Variants in KIAA0586 observed in about 807,000 individuals in gnomAD.
KIAA0586 encodes the protein KIAA0586.
A neutral mutation model predicts 169.8 loss-of-function variants in KIAA0586; 144 were observed. That is an observed-to-expected ratio of 0.85 (90% CI 0.74 to 0.97). The LOEUF (loss-of-function observed/expected upper bound fraction) is 0.97, where lower values mean the gene tolerates loss of function less well. Ranked by LOEUF, KIAA0586 falls within the 50% of genes least tolerant of loss-of-function variation. The probability of loss-of-function intolerance (pLI) is 0.00; values close to 1 mark genes in which losing one functional copy is unlikely to be tolerated. For synonymous variants in KIAA0586, 625 were observed against 612.4 expected (o/e 1.02, Z -0.30); for missense variants, 1,854 against 1,823.0 (o/e 1.02, Z -0.31).
chr14:58,499,945 A>G (rs572747662), intron 27 of KIAA0586, among the ~76,000 whole-genome samples: 2 of 152,370 alleles, frequency 1.3e-5, no homozygotes, highest in African/African-American at 2.4e-5. Context: ...GTTAAATTAG[A>G]TAATACTGTA....
downstream of KIAA0586, among the ~76,000 whole-genome samples, chr14:58,553,402 G>T (rs1233881700): frequency 6.6e-6 from 1 of 152,066 alleles, no homozygotes; most frequent in Admixed American, 6.5e-5. Flanking sequence ...TAGTGGAAAC[G>T]TATTTTGCTT....
At chr14:58,539,876 T>C (rs921076838) in intron 29 of KIAA0586, 195 bp from the exon 30 acceptor site, 8 of 471,092 alleles carry the variant, frequency 1.7e-5, no homozygotes, top group East Asian at 1.0e-4. Flanking sequence ...GTATTTCCTA[T>C]TGATAGTCAT....
At chr14:58,444,243 T>C (rs2038663847) in intron 6 of KIAA0586, 68 bp downstream of exon 6, 2 of 999,370 alleles carry the variant, frequency 2.0e-6, no homozygotes, top group Middle Eastern at 2.2e-4. Context: ...CCAGTATTCA[T>C]TGATAATTAC....
chr14:58,461,892 C>T (rs763982262), intron 14 of KIAA0586, among the ~76,000 whole-genome samples: 3 of 152,172 alleles, frequency 2.0e-5, no homozygotes, highest in Non-Finnish European at 4.4e-5. Context: ...GTCACATCTA[C>T]TGTTTCACTG....
intron 29 of KIAA0586, among the ~76,000 whole-genome samples, chr14:58,514,296 C>T (rs2044599697): frequency 6.6e-6 from 1 of 151,950 alleles, no homozygotes; most frequent in Non-Finnish European, 1.5e-5. Context: ...TTCTCTGGAG[C>T]TCTCAGGACT....
At chr14:58,484,917 TATATA>T (rs2042322765) in intron 21 of KIAA0586, among the ~76,000 whole-genome samples, 7 of 37,844 alleles carry the variant, frequency 1.8e-4, no homozygotes, top group African/African-American at 6.7e-4. Context: ...TATATATATA[TATATA>T]TATTTTTTTT....
At chr14:58,531,631 C>G (rs1278174044) in intron 29 of KIAA0586, among the ~76,000 whole-genome samples, 1 of 152,154 alleles carries the variant, frequency 6.6e-6, no homozygotes, top group Non-Finnish European at 1.5e-5. Flanking sequence ...GTGGTGATTC[C>G]TCAAGGATCT....
intron 6 of KIAA0586, among the ~76,000 whole-genome samples, chr14:58,445,355 G>A (rs2038784002): frequency 6.6e-6 from 1 of 151,774 alleles, no homozygotes; most frequent in African/African-American, 2.4e-5. Flanking sequence ...TAAGGCACTG[G>A]GCTATTATAA....
intron 21 of KIAA0586, among the ~76,000 whole-genome samples, chr14:58,484,295 C>T (rs963469706): frequency 6.6e-6 from 1 of 152,186 alleles, no homozygotes; most frequent in African/African-American, 2.4e-5. Flanking sequence ...TCAGAAGTGT[C>T]ATGGCTTTTC....
intron 26 of KIAA0586, among the ~76,000 whole-genome samples, chr14:58,494,390 C>G (rs1234828758): frequency 1.4e-5 from 2 of 145,738 alleles, no homozygotes; most frequent in Non-Finnish European, 1.5e-5. Context: ...GTCTGTCTGT[C>G]TGATTAATAT....
intron 28 of KIAA0586, 51 bp downstream of exon 28, chr14:58,508,760 T>G: frequency 6.9e-7 from 1 of 1,453,782 alleles, no homozygotes; most frequent in Non-Finnish European, 9.4e-7. Flanking sequence ...ATTGAAACAC[T>G]GTTGCCTTAG....
downstream of KIAA0586, among the ~76,000 whole-genome samples, chr14:58,554,607 A>C (rs371276565): frequency 2.8e-4 from 42 of 152,306 alleles, no homozygotes; most frequent in African/African-American, 9.9e-4. Context: ...TGTGGCCATT[A>C]ACACTGGTGG....
At chr14:58,431,634 G>T (rs1004680630) in intron 3 of KIAA0586, among the ~76,000 whole-genome samples, 7 of 152,156 alleles carry the variant, frequency 4.6e-5, no homozygotes, top group Non-Finnish European at 8.8e-5. Context: ...AATAGGAATT[G>T]CATTGAATCT....
chr14:58,469,930 G>A (rs2041075141), intron 16 of KIAA0586, among the ~76,000 whole-genome samples: 3 of 152,068 alleles, frequency 2.0e-5, no homozygotes, highest in African/African-American at 7.2e-5. Flanking sequence ...ACTTAATTAT[G>A]TTTTTGATGA....
intron 15 of KIAA0586, among the ~76,000 whole-genome samples, chr14:58,467,175 C>T (rs1397231014): frequency 6.6e-6 from 1 of 152,188 alleles, no homozygotes; most frequent in African/African-American, 2.4e-5. Flanking sequence ...TTTTAAAGTT[C>T]TTACTGTGTG....
chr14:58,440,911 A>T (rs1408937849), intron 4 of KIAA0586: 1 of 154,670 alleles, frequency 6.5e-6, no homozygotes, highest in East Asian at 1.9e-4. Flanking sequence ...AATACATTCT[A>T]GAGATCTATT....
At chr14:58,477,099 T>C in intron 19 of KIAA0586, 24 bp from the exon 20 acceptor site, 4 of 1,299,276 alleles carry the variant, frequency 3.1e-6, no homozygotes, top group Non-Finnish European at 3.3e-6. Flanking sequence ...ATCTTAACTT[T>C]TATCTGCCCC....
At chr14:58,433,637 T>C (rs1365835690) in intron 4 of KIAA0586, among the ~76,000 whole-genome samples, 3 of 152,214 alleles carry the variant, frequency 2.0e-5, no homozygotes, top group Non-Finnish European at 4.4e-5. Flanking sequence ...CACCTTTTTG[T>C]ATCAAATTAC....
chr14:58,490,899 A>G (rs974825127), intron 25 of KIAA0586, among the ~76,000 whole-genome samples: 1 of 152,116 alleles, frequency 6.6e-6, no homozygotes, highest in Non-Finnish European at 1.5e-5. Flanking sequence ...TTTTTAAAGC[A>G]TTGTTGCTGT....
Sources: gnomAD v4.1 joint callset for allele counts (sites outside exome capture counted in the v4.1 genomes callset) on GRCh38, gnomAD v4.1.1 for gene constraint, MANE v1.5 for transcripts, NCBI Gene and HGNC (gene_info 2026-07-23, HGNC 2026-07-21) for gene names.